DNAH14: variants seen among roughly 807,000 people sequenced by gnomAD.
DNAH14 encodes dynein axonemal heavy chain 14, also known as axonemal beta dynein heavy chain 14.
Under a neutral mutation model 520.9 loss-of-function variants are expected in DNAH14, and 478 were observed. That is an observed-to-expected ratio of 0.92 (90% CI 0.85 to 0.99). The LOEUF is 0.99. Among genes scored for constraint, DNAH14 ranks in the 50% least tolerant of loss-of-function variants. The probability of loss-of-function intolerance (pLI) is 0.00; values close to 1 mark genes in which losing one functional copy is unlikely to be tolerated. For synonymous variants in DNAH14, 1,581 were observed against 1,757.2 expected, an observed-to-expected ratio of 0.90 and a Z score of 2.51; for missense variants, 4,831 against 5,234.5, an observed-to-expected ratio of 0.92 and a Z score of 2.38.
intron 54 of DNAH14, among the ~76,000 whole-genome samples, chr1:225,283,167 A>T (rs2093662974): frequency 6.6e-6 from 1 of 152,062 alleles, no homozygotes; most frequent in Non-Finnish European, 1.5e-5. Context: ...CATATGGAAA[A>T]TAACAGTGTG....
rs746492058 is a variant in DNAH14 at position 225,374,752 on chromosome 1, G to A, written c.12383G>A (p.Arg4128His). The change falls in exon 78 of 86, where the codon CGC becomes CAC. Residue 4128 changes from arginine to histidine, a missense_variant. Transcript: ENST00000682510. The stretch of plus-strand genomic sequence containing the variant: ...CCCAGCATTTCGTGGCAAGCACTGC[G>A]CTACCTGATTGGAGAAGTGATTTAC... ...GQPSISWQAL[R>H]YLIGEVIYGG... 222 of 1,551,420 alleles carry A rather than the reference G, an allele frequency of 1.4e-4. No individual in the cohort carries two copies. Among genetic ancestry groups the A allele is most frequent in the Non-Finnish European group, 1.5e-4 (175 of 1,146,934 alleles).
intron 19 of DNAH14, among the ~76,000 whole-genome samples, chr1:225,081,324 A>G (rs2073092443): frequency 6.6e-6 from 1 of 152,190 alleles, no homozygotes; most frequent in Non-Finnish European, 1.5e-5. Context: ...TTTCTTCTCC[A>G]GAAAAGCCAG....
chr1:225,388,889 G>A (rs1211800632), intron 82 of DNAH14, among the ~76,000 whole-genome samples: 1 of 151,906 alleles, frequency 6.6e-6, no homozygotes, highest in Admixed American at 6.6e-5. Flanking sequence ...CAATTCTCCT[G>A]CCTCAGGGAT....
At chr1:225,180,966 T>G (rs73135013) in intron 36 of DNAH14, among the ~76,000 whole-genome samples, 5,337 of 152,268 alleles carry the variant, frequency 0.035, 294 homozygotes, top group African/African-American at 0.12. Flanking sequence ...TTTTCAACCC[T>G]TGCTCCCTTC....
intron 60 of DNAH14, 84 bp downstream of exon 60, chr1:225,308,494 C>G: frequency 7.3e-7 from 1 of 1,375,678 alleles, no homozygotes; most frequent in Non-Finnish European, 9.7e-7. Context: ...GTCAGACTGA[C>G]TAGTCTTAAA....
At chr1:225,176,892 A>G (rs1173932841) in intron 36 of DNAH14, among the ~76,000 whole-genome samples, 1 of 152,174 alleles carries the variant, frequency 6.6e-6, no homozygotes, top group East Asian at 1.9e-4. Context: ...AAACAGACAA[A>G]TGCAGTAAAC....
chr1:225,146,987 C>A, intron 30 of DNAH14, 117 bp from the exon 31 acceptor site: 1 of 761,384 alleles, frequency 1.3e-6, no homozygotes, highest in Non-Finnish European at 2.0e-6. Context: ...GGGGGAAATG[C>A]AAAAGGCCTT....
intron 47 of DNAH14, 87 bp downstream of exon 47, chr1:225,264,348 C>A: frequency 2.8e-6 from 3 of 1,064,434 alleles, no homozygotes; most frequent in Non-Finnish European, 4.1e-6. Flanking sequence ...TCATGGATCT[C>A]AGAATAATAA....
At position 225,320,550 on chromosome 1, in the gene DNAH14, A is replaced by G. The variant is rs901377945; in HGVS notation, c.9335+1873A>G. Among the ~76,000 whole-genome samples, 5 of 152,338 alleles carry G rather than the reference A, an allele frequency of 3.3e-5. No homozygotes were observed. In the East Asian group the frequency reaches 5.8e-4, roughly 18 times the overall value. On this transcript the variant is annotated intron_variant, in intron 61 of 85. Transcript: ENST00000682510. The stretch of plus-strand genomic sequence containing the variant: ...TGCCACACAAATGAGGATGCCTTAT[A>G]ACCTGATCTCCATTGCTATTCTTGG...
chr1:225,398,643 G>A lies in DNAH14; in HGVS notation c.13615G>A (p.Asp4539Asn), dbSNP rs564788978. The stretch of plus-strand genomic sequence containing the variant: ...TCTGGAGATGTGCTGTGATTTTCCC[G>A]ACATATACTTTTTGCCAACAAAGGT... ...LPLEMCCDFPDIYFLPTKIST... is the reference protein window; with the variant it reads ...LPLEMCCDFPNIYFLPTKIST... Residue 4539 changes from aspartate (D) to asparagine (N), a missense_variant, in exon 85 of 86, where the codon GAC (aspartate) becomes AAC (asparagine). Coordinates refer to ENST00000682510, the MANE Select transcript of DNAH14 (RefSeq NM_001367479.1). 1.2e-5 allele frequency: 18 copies of A among 1,551,636 alleles called. No individual in the cohort carries two copies. In the South Asian group the frequency reaches 1.3e-4, roughly 11 times the overall value.
At position 224,994,554 on chromosome 1, in the gene DNAH14, G is replaced by T. The variant is rs114804228; in HGVS notation, c.831-8229G>T. Among the ~76,000 whole-genome samples, 1,119 of 151,972 alleles carry T rather than the reference G, an allele frequency of 7.4e-3. 4 individuals are homozygous for T. The highest frequency in any genetic ancestry group is 0.012 in the Non-Finnish European group (845 of 67,878). On this transcript the variant is annotated intron_variant, in intron 8 of 85. Coordinates refer to ENST00000682510, the MANE Select transcript of DNAH14 (RefSeq NM_001367479.1). ...TTCCATCCCTTCACTTTCAATCTATGTGTGTCCTTAAAAGTGCAGTAAATG... is the reference window on the plus strand; with the variant it reads ...TTCCATCCCTTCACTTTCAATCTATTTGTGTCCTTAAAAGTGCAGTAAATG...
At chr1:225,300,725 G>T in intron 55 of DNAH14, 144 bp from the exon 56 acceptor site, 1 of 802,670 alleles carries the variant, frequency 1.2e-6, no homozygotes, top group Non-Finnish European at 1.9e-6. Context: ...GTGGGGGGTG[G>T]GGGAGATTAG....
chr1:225,252,733 A>G (rs2092602730), intron 44 of DNAH14, among the ~76,000 whole-genome samples: 1 of 152,298 alleles, frequency 6.6e-6, no homozygotes, highest in Admixed American at 6.5e-5. Context: ...GGACAAGAAA[A>G]TGGAAAGGAC....
intron 8 of DNAH14, among the ~76,000 whole-genome samples, chr1:224,982,524 G>A (rs1379309308): frequency 1.3e-5 from 2 of 152,128 alleles, no homozygotes; most frequent in African/African-American, 2.4e-5. Context: ...AGTTCCTTGA[G>A]GCGTGACCTT....
intron 8 of DNAH14, among the ~76,000 whole-genome samples, chr1:224,992,072 C>T (rs1275828333): frequency 6.6e-6 from 1 of 151,968 alleles, no homozygotes; most frequent in Admixed American, 6.6e-5. Context: ...TATGGGTTCC[C>T]CTTTCTGTTT....
chr1:225,104,934 A>T lies in DNAH14; in HGVS notation c.3867+4050A>T, dbSNP rs552702808. Among the ~76,000 whole-genome samples, 4 of 152,106 alleles carry T rather than the reference A, an allele frequency of 2.6e-5. No individual in the cohort carries two copies. The East Asian group carries it at 7.7e-4, about 29-fold the overall frequency. ...ATTTCTTGCCTTCTGCAAGCTTTTG[A>T]ATGTGTTTGCTCTTGCTTCTCTAGT... is the stretch of plus-strand genomic sequence containing the variant. On this transcript the variant is annotated intron_variant, in intron 23 of 85. Transcript: ENST00000682510.
intron 23 of DNAH14, among the ~76,000 whole-genome samples, chr1:225,117,161 G>A (rs2076926993): frequency 1.3e-5 from 2 of 152,084 alleles, no homozygotes; most frequent in Non-Finnish European, 2.9e-5. Context: ...ATTGAGACTA[G>A]TGTTAATGCC....
At chr1:225,337,206 G>A in intron 66 of DNAH14, 60 bp from the exon 67 acceptor site, 1 of 1,341,532 alleles carries the variant, frequency 7.5e-7, no homozygotes, top group South Asian at 1.3e-5. Flanking sequence ...GTACCCTGTA[G>A]GATACTAAAG....
intron 8 of DNAH14, among the ~76,000 whole-genome samples, chr1:224,991,388 C>T (rs754049503): frequency 5.3e-5 from 8 of 151,528 alleles, no homozygotes; most frequent in Non-Finnish European, 8.8e-5. Flanking sequence ...TAGAGGCGCC[C>T]GGCTGAGCAT....
Sources: gnomAD v4.1 joint callset for allele counts (sites outside exome capture counted in the v4.1 genomes callset) on GRCh38, gnomAD v4.1.1 for gene constraint, MANE v1.5 for transcripts, NCBI Gene and HGNC (gene_info 2026-07-23, HGNC 2026-07-21) for gene names.